A2ML1: variants seen among roughly 807,000 people sequenced by gnomAD.
The protein encoded by A2ML1 is alpha-2-macroglobulin like 1.
Under a neutral mutation model 181.9 loss-of-function variants are expected in A2ML1, and 161 were observed. The observed-to-expected ratio is 0.89, with a 90% CI of 0.78 to 1.01. The LOEUF (loss-of-function observed/expected upper bound fraction) is 1.01, where lower values mean the gene tolerates loss of function less well. A2ML1 is among the 50% of genes least tolerant of loss of function. The pLI, the probability that A2ML1 is intolerant of heterozygous loss-of-function variation, is 0.00. For missense variants in A2ML1, 1,670 were observed against 1,768.1 expected, an observed-to-expected ratio of 0.94 and a Z score of 1.00; for synonymous variants, 663 against 666.8, an observed-to-expected ratio of 0.99 and a Z score of 0.09.
At chr12:8,830,353 C>A (rs759494450) in intron 4 of A2ML1, among the ~76,000 whole-genome samples, 8 of 152,242 alleles carry the variant, frequency 5.3e-5, no homozygotes, top group Non-Finnish European at 1.2e-4. Flanking sequence ...TGCTCAGCCC[C>A]CTTTCATTTT....
rs1395091388 is a variant in A2ML1, at chr12:8,874,469, T to C, written c.4266T>C (p.Ser1422=). The change falls in exon 34 of 36, where the codon AGT becomes AGC. Residue 1422 remains serine (S), a synonymous_variant. Coordinates refer to ENST00000299698, the MANE Select transcript of A2ML1 (RefSeq NM_144670.6). ...TQTYTFTISQ[S]VLVTNLKPAT... ...CTTACACCTTCACCATCAGCCAAAG[T>C]GTGCTGGTCACCAACTTGAAACCAG... is the stretch of plus-strand genomic sequence containing the variant. 6.2e-7 allele frequency: 1 copy of C among 1,614,142 alleles called. No individual in the cohort carries two copies. Among genetic ancestry groups the C allele is most frequent in the East Asian group, 2.2e-5 (1 of 44,884 alleles).
intron 10 of A2ML1, among the ~76,000 whole-genome samples, chr12:8,841,009 AGGACGGAAGGAAG>A (rs1286659856): frequency 2.6e-5 from 2 of 76,960 alleles, no homozygotes; most frequent in African/African-American, 4.3e-5. Flanking sequence ...GAAGGAAGGA[AGGACGGAAGGAAG>A]GAAGGAAGGA....
intron 11 of A2ML1, among the ~76,000 whole-genome samples, chr12:8,842,153 T>C (rs931075417): frequency 2.0e-5 from 3 of 152,204 alleles, no homozygotes; most frequent in Non-Finnish European, 4.4e-5. Flanking sequence ...ATGGCAGTGA[T>C]GAGGTGCAAG....
At chr12:8,865,659 A>G (rs1944402353) in intron 29 of A2ML1, among the ~76,000 whole-genome samples, 1 of 152,216 alleles carries the variant, frequency 6.6e-6, no homozygotes, top group Non-Finnish European at 1.5e-5. Flanking sequence ...AGAGATCAGG[A>G]GACTGTTTCC....
rs749785450 is a variant in A2ML1 at position 8,864,013 on chromosome 12, A to C, written c.3717+5A>C. The C allele has an allele frequency of 2.5e-5, 41 of 1,609,966 alleles. No homozygotes were observed. The highest frequency in any genetic ancestry group is 3.3e-5 in the Non-Finnish European group (39 of 1,178,420). ...GGGGGCTTCTCTTCTACTCAGGTAA[A>C]CAGCCTGTTCTCCCACTGCCACTTA... On this transcript the variant is annotated splice_donor_5th_base_variant and intron_variant, in intron 29 of 35. Coordinates refer to ENST00000299698, the MANE Select transcript of A2ML1 (RefSeq NM_144670.6).
chr12:8,868,177 A>C (rs369466206), intron 30 of A2ML1, 53 bp from the exon 31 acceptor site: 11 of 1,612,130 alleles, frequency 6.8e-6, no homozygotes, highest in East Asian at 2.2e-5. Flanking sequence ...TGAACTGTAC[A>C]ATCTTTAAAG....
At chr12:8,861,323 T>C in intron 28 of A2ML1, 26 bp downstream of exon 28, 1 of 1,612,020 alleles carries the variant, frequency 6.2e-7, no homozygotes, top group Non-Finnish European at 8.5e-7. Flanking sequence ...TGAGAGTTCT[T>C]TGAAATTGTG....
At chr12:8,836,425 G>A in intron 7 of A2ML1, 86 bp downstream of exon 7, 5 of 1,166,738 alleles carry the variant, frequency 4.3e-6, no homozygotes, top group Non-Finnish European at 5.0e-6. Flanking sequence ...TGGGATTATG[G>A]GTGGGCCAAA....
chr12:8,843,580 G>A (rs760542841), intron 12 of A2ML1, among the ~76,000 whole-genome samples: 21 of 152,154 alleles, frequency 1.4e-4, no homozygotes, highest in Non-Finnish European at 2.5e-4. Flanking sequence ...ATTTTAACAC[G>A]AAAGCCATAT....
chr12:8,822,757 C>A lies in A2ML1; in HGVS notation c.62+44C>A, dbSNP rs753248132. The A allele has an allele frequency of 1.9e-6, 3 of 1,572,746 alleles. No homozygotes were observed. The African/African-American group carries it at 4.1e-5, about 21-fold the overall frequency. Reference sequence around the variant, plus strand: ...AATTGGTTTATTAGGGCAGCGGCTTCTTCGCCTAACTTTCTCAAACATTTA... The same window carrying A: ...AATTGGTTTATTAGGGCAGCGGCTTATTCGCCTAACTTTCTCAAACATTTA... On this transcript the variant is annotated intron_variant, in intron 1 of 35. Transcript: ENST00000299698.
In A2ML1 at chr12:8,874,046, C is replaced by T. The variant is rs1440091554; in HGVS notation, c.4222-379C>T. Among the ~76,000 whole-genome samples the T allele has an allele frequency of 6.6e-5, 10 of 152,034 alleles. 1 individual carries two copies. Among genetic ancestry groups the T allele is most frequent in the African/African-American group, 1.4e-4 (6 of 41,392 alleles). ...TTTTTTTTAATTTGAGATGGAGTCT[C>T]GCTCTGTCGCCCAGGCTGGAGTGCA... is the stretch of plus-strand genomic sequence containing the variant. On this transcript the variant is annotated intron_variant, in intron 33 of 35. Transcript: ENST00000299698.
chr12:8,824,884 T>C (rs1306881051), intron 3 of A2ML1, among the ~76,000 whole-genome samples: 3 of 152,228 alleles, frequency 2.0e-5, no homozygotes, highest in Non-Finnish European at 4.4e-5. Context: ...CATAATGACC[T>C]CCTGTTCCAT....
At chr12:8,834,623 A>T in intron 4 of A2ML1, 39 bp from the exon 5 acceptor site, 1 of 1,611,850 alleles carries the variant, frequency 6.2e-7, no homozygotes, top group Non-Finnish European at 8.5e-7. Context: ...TATTGCTGTC[A>T]ACCTTCTTTA....
rs10670476 is a variant in A2ML1 at position 8,832,979 on chromosome 12, C to CTTTTTTTT, written c.463-1678_463-1671dup. On this transcript the variant is annotated intron_variant, in intron 4 of 35. Transcript: ENST00000299698. The stretch of plus-strand genomic sequence containing the variant: ...ACTTCCAGTCGGAAATGCTACTTTC[C>CTTTTTTTT]TTTTTTTTTTTTGAGACGGAGTTTC... Among the ~76,000 whole-genome samples the CTTTTTTTT allele has an allele frequency of 5.1e-3, 702 of 138,674 alleles. 21 individuals carry two copies. The highest frequency in any genetic ancestry group is 0.02 in the East Asian group (97 of 4,734). The allele number at this position is 138,674 out of a possible 152,430, so 91.0% of individuals were successfully genotyped here.
At chr12:8,874,613 T>G (rs1390248154) in intron 34 of A2ML1, 86 bp downstream of exon 34, 1 of 1,036,282 alleles carries the variant, frequency 9.6e-7, no homozygotes, top group African/African-American at 1.6e-5. Context: ...GCTTCTCTCT[T>G]AATTTTACAA....
intron 33 of A2ML1, among the ~76,000 whole-genome samples, chr12:8,870,275 C>CT (rs11321118): frequency 0.062 from 9,211 of 149,122 alleles, 353 homozygotes; most frequent in Non-Finnish European, 0.09. Flanking sequence ...TTTCTTTTTT[C>CT]TTTTTTTTTT....
chr12:8,854,662 C>G, intron 21 of A2ML1, 118 bp from the exon 22 acceptor site: 1 of 1,053,684 alleles, frequency 9.5e-7, no homozygotes, highest in Non-Finnish European at 1.4e-6. Flanking sequence ...AAGCTCTTGT[C>G]TGCAGTTCTG....
At chr12:8,885,533 T>C (rs780079420) in intron 7 of A2ML1, among the ~76,000 whole-genome samples, 43 of 152,210 alleles carry the variant, frequency 2.8e-4, no homozygotes, top group African/African-American at 1.0e-3. Flanking sequence ...TCTCAGCTCA[T>C]TGCAACTTCT....
intron 26 of A2ML1, 113 bp downstream of exon 26, chr12:8,858,215 C>A: frequency 7.7e-7 from 1 of 1,298,110 alleles, no homozygotes; most frequent in Non-Finnish European, 1.0e-6. Context: ...TCCTGATCTC[C>A]ACTGTGGCTC....
Sources: gnomAD v4.1 joint callset for allele counts (sites outside exome capture counted in the v4.1 genomes callset) on GRCh38, gnomAD v4.1.1 for gene constraint, MANE v1.5 for transcripts, NCBI Gene and HGNC (gene_info 2026-07-23, HGNC 2026-07-21) for gene names.